Variants in SMPDL3B observed in about 807,000 individuals in gnomAD.
The protein encoded by SMPDL3B is sphingomyelin phosphodiesterase acid like 3B.
Under a neutral mutation model 37.9 loss-of-function variants are expected in SMPDL3B, and 31 were observed. The observed-to-expected ratio is 0.82, with a 90% confidence interval of 0.61 to 1.10. SMPDL3B has a LOEUF of 1.10. Among genes scored for constraint, SMPDL3B ranks in the 50% least tolerant of loss-of-function variants. The probability of loss-of-function intolerance (pLI) is 0.00; values close to 1 mark genes in which losing one functional copy is unlikely to be tolerated. For synonymous variants in SMPDL3B, 235 were observed against 242.6 expected (o/e 0.97, Z 0.29); for missense variants, 525 against 597.8 (o/e 0.88, Z 1.27).
rs1300223078 is a variant in SMPDL3B at position 27,945,277 on chromosome 1, A to G, written c.107A>G (p.Lys36Arg). ...GACCTGCACCTTGACCCTGACTACA[A>G]GGTATCCAAAGACCCCTTCCAGGTG... ...IADLHLDPDY[K>R]VSKDPFQVCP... The change falls in exon 2 of 8, where the codon AAG becomes AGG. Residue 36 changes from lysine to arginine, a missense_variant. Lys to Arg is a conservative substitution (Grantham distance 26). Coordinates refer to ENST00000373894, the MANE Select transcript of SMPDL3B (RefSeq NM_014474.4). This position sits in a 1 kb window ranked among gnomAD's most constrained non-coding sequence, Gnocchi z 4.0. The G allele has an allele frequency of 3.7e-6, 6 of 1,614,040 alleles. No individual in the cohort carries two copies. Among genetic ancestry groups the G allele is most frequent in the South Asian group, 3.3e-5 (3 of 91,090 alleles).
Position 27,958,335 on chromosome 1 carries a change from A to G in SMPDL3B, c.1006-141A>G, listed in dbSNP as rs1638356263. On this transcript the variant is annotated intron_variant, in intron 7 of 7. Transcript: ENST00000373894. The surrounding 1 kb of genome is among the most constrained non-coding windows in gnomAD (Gnocchi z 5.6). The stretch of plus-strand genomic sequence containing the variant: ...ATTCAGAGGATGTCTGCCAAGCACA[A>G]TGGGTGCACAGCTAAGTGCTCAATA... 4 of 1,137,104 alleles carry G rather than the reference A, an allele frequency of 3.5e-6. No individual in the cohort carries two copies. The highest frequency in any genetic ancestry group is 4.8e-5 in the East Asian group (2 of 42,078). 70.4% of individuals were successfully genotyped at this position (1,137,104 alleles called of 1,614,324 possible). A position where few individuals can be genotyped will look rare whatever the true frequency, so the allele number is the denominator to read the frequency against.
At chr1:27,944,756 A>T (rs1377966799) in intron 1 of SMPDL3B, among the ~76,000 whole-genome samples, 1 of 150,530 alleles carries the variant, frequency 6.6e-6, no homozygotes, top group Admixed American at 6.6e-5. Context: ...TAATTTTCCA[A>T]GAAATTCCAG....
At chr1:27,944,735 T>A (rs936992909) in intron 1 of SMPDL3B, among the ~76,000 whole-genome samples, 2 of 151,844 alleles carry the variant, frequency 1.3e-5, no homozygotes, top group Non-Finnish European at 2.9e-5. Flanking sequence ...TTTTTTCTTT[T>A]TTTTTTTTTT....
In SMPDL3B at chr1:27,935,156, C is replaced by T. The variant is rs1039308291; in HGVS notation, c.-28C>T. On this transcript the variant is annotated 5_prime_UTR_variant, in exon 1 of 8. Transcript: ENST00000373894. ...GAACAACAACAGTGCCTGAGAATCC[C>T]ACGGCTCTGGGGAAGTGAGCCCCGA... 3 of 1,602,682 alleles carry T rather than the reference C, an allele frequency of 1.9e-6. No individual in the cohort carries two copies. The highest frequency in any genetic ancestry group is 2.6e-6 in the Non-Finnish European group (3 of 1,169,876).
Position 27,953,219 on chromosome 1 carries a change from T to C in SMPDL3B, c.378T>C (p.Thr126=), listed in dbSNP as rs1423584367. The change falls in exon 4 of 8, where the codon ACT becomes ACC. Residue 126 remains threonine (T), a synonymous_variant. Transcript: ENST00000373894. ...TKLIREVFPD[T]KVYAALGNHD... ...TATTTCACCCTTTCTTCCTAGATAC[T>C]AAAGTCTATGCTGCTTTGGGAAATC... 1 of 1,610,952 alleles carries C rather than the reference T, an allele frequency of 6.2e-7. No homozygotes were observed. Among genetic ancestry groups the C allele is most frequent in the Non-Finnish European group, 8.5e-7 (1 of 1,178,868 alleles).
chr1:27,941,116 C>G (rs1270366931), intron 1 of SMPDL3B, among the ~76,000 whole-genome samples: 1 of 152,156 alleles, frequency 6.6e-6, no homozygotes, highest in Non-Finnish European at 1.5e-5. Context: ...CTAATTAGAG[C>G]TTAATTATTT....
chr1:27,957,331 G>A (rs1250387341), intron 7 of SMPDL3B, among the ~76,000 whole-genome samples: 3 of 152,140 alleles, frequency 2.0e-5, no homozygotes, highest in Admixed American at 2.0e-4. Context: ...GATATGAGCT[G>A]TGAGAAAAAG....
chr1:27,940,765 CTTAACT>C, intron 1 of SMPDL3B, among the ~76,000 whole-genome samples: 1 of 152,316 alleles, frequency 6.6e-6, no homozygotes. Flanking sequence ...TAGAAAGCCT[CTTAACT>C]TTAACAAGAT....
At position 27,954,392 on chromosome 1, in the gene SMPDL3B, G is replaced by C. The variant is rs2090480606; in HGVS notation, c.556G>C (p.Ala186Pro). Residue 186 changes from alanine to proline, a missense_variant, in exon 5 of 8, where the codon GCT (alanine) becomes CCT (proline). Transcript: ENST00000373894. ...YCEKLPGPSGAGRIVVLNTNL... is the reference protein window; with the variant it reads ...YCEKLPGPSGPGRIVVLNTNL... ...TGAGAAGCTGCCGGGTCCCAGCGGG[G>C]CTGGGCGAATTGTGGTCCTCAACAC... The C allele has an allele frequency of 6.2e-7, 1 of 1,614,002 alleles. No individual in the cohort carries two copies.
At chr1:27,956,346 A>G (rs527423721) in intron 7 of SMPDL3B, 1 of 1,370,322 alleles carries the variant, frequency 7.3e-7, no homozygotes, top group Non-Finnish European at 9.7e-7. Context: ...CTGCCCTGCT[A>G]TGGCCCATCC....
At chr1:27,948,948 A>G (rs1203276178) in intron 2 of SMPDL3B, 117 bp from the exon 3 acceptor site, 1 of 1,551,756 alleles carries the variant, frequency 6.4e-7, no homozygotes, top group African/African-American at 1.4e-5. Context: ...TTCCCCCTCA[A>G]GGGGACATCT....
At chr1:27,957,935 C>A (rs937370784) in intron 7 of SMPDL3B, among the ~76,000 whole-genome samples, 2 of 152,170 alleles carry the variant, frequency 1.3e-5, no homozygotes, top group African/African-American at 4.8e-5. Flanking sequence ...TGCATACGGG[C>A]AGCTCCTCTT....
intron 3 of SMPDL3B, among the ~76,000 whole-genome samples, chr1:27,952,586 G>A (rs1557497967): frequency 1.3e-5 from 2 of 152,168 alleles, no homozygotes; most frequent in Admixed American, 1.3e-4. Context: ...TCATTCACAG[G>A]CCCCTTCCTC....
In SMPDL3B at chr1:27,955,752, G is replaced by C; in HGVS notation, c.759G>C (p.Glu253Asp). The C allele has an allele frequency of 6.2e-7, 1 of 1,614,134 alleles. No individual in the cohort carries two copies. Among genetic ancestry groups the C allele is most frequent in the South Asian group, 1.1e-5 (1 of 91,076 alleles). Residue 253 changes from glutamate (E) to aspartate (D), a missense_variant, in exon 6 of 8, where the codon GAG (glutamate) becomes GAC (aspartate). Physicochemically the swap from Glu to Asp is conservative, Grantham distance 45. Coordinates refer to ENST00000373894, the MANE Select transcript of SMPDL3B (RefSeq NM_014474.4). ...CGCAAAACAAGGCATGGTTCCGGGA[G>C]GGCTTCAATGAAAAATACCTGAAGG... ...EKTQNKAWFR[E>D]GFNEKYLKVV... is the part of the protein sequence containing the mutation.
intron 1 of SMPDL3B, chr1:27,942,186 C>A (rs1023024979): frequency 5.0e-6 from 2 of 403,506 alleles, no homozygotes; most frequent in Middle Eastern, 3.6e-4. Flanking sequence ...TGAGGGCTGA[C>A]GTCAAAGGGG....
At chr1:27,951,390 G>A (rs2090454452) in intron 3 of SMPDL3B, among the ~76,000 whole-genome samples, 1 of 152,108 alleles carries the variant, frequency 6.6e-6, no homozygotes, top group Non-Finnish European at 1.5e-5. Flanking sequence ...CGAGTAAGTG[G>A]CCTAAGAAGA....
At chr1:27,942,173 C>T (rs2090364999) in intron 1 of SMPDL3B, 1 of 391,018 alleles carries the variant, frequency 2.6e-6, no homozygotes, top group East Asian at 7.3e-5. Context: ...TTCCTGAATA[C>T]TTTGAGGGCT....
At chr1:27,942,098 TCTA>T (rs2148674202) in intron 1 of SMPDL3B, among the ~76,000 whole-genome samples, 1 of 152,314 alleles carries the variant, frequency 6.6e-6, no homozygotes, top group Admixed American at 6.5e-5. Flanking sequence ...TAGTTTCAGT[TCTA>T]CACACTGGCT....
intron 2 of SMPDL3B, among the ~76,000 whole-genome samples, chr1:27,947,617 CAAA>C (rs561983354): frequency 5.8e-5 from 5 of 85,524 alleles, no homozygotes; most frequent in Non-Finnish European, 4.6e-5. Flanking sequence ...GACTCCATCT[CAAA>C]AAAAAAAAAA....
Sources: allele counts gnomAD v4.1 joint callset (sites outside exome capture counted in the v4.1 genomes callset), GRCh38; gene constraint gnomAD v4.1.1; non-coding constraint Gnocchi (gnomAD v3.1); transcripts MANE v1.5; gene names NCBI Gene and HGNC (gene_info 2026-07-23, HGNC 2026-07-21).